TSGA10: variants seen among roughly 807,000 people sequenced by gnomAD.
TSGA10 encodes testis specific 10.
A neutral mutation model predicts 96.6 loss-of-function variants in TSGA10; 43 were observed. That is an observed-to-expected ratio of 0.44 (90% CI 0.35 to 0.57). TSGA10 has a LOEUF of 0.57. TSGA10 is among the 20% of genes least tolerant of loss of function. The pLI, the probability that TSGA10 is intolerant of heterozygous loss-of-function variation, is 0.01. For synonymous variants in TSGA10, 229 were observed against 269.9 expected (o/e 0.85, Z 1.48); for missense variants, 703 against 834.4 (o/e 0.84, Z 1.94).
intron 1 of TSGA10, among the ~76,000 whole-genome samples, chr2:99,140,850 G>A (rs2964971): frequency 6.6e-6 from 1 of 152,066 alleles, no homozygotes; most frequent in East Asian, 1.9e-4. Context: ...AGTGACCATA[G>A]GAACTGGGCT....
chr2:99,097,315 A>G (rs1168638525), intron 10 of TSGA10, among the ~76,000 whole-genome samples: 1 of 152,204 alleles, frequency 6.6e-6, no homozygotes, highest in Non-Finnish European at 1.5e-5. Context: ...AAAGGACCCC[A>G]GATCACTCAA....
chr2:99,101,125 C>T (rs1351578888), intron 10 of TSGA10, among the ~76,000 whole-genome samples: 4 of 148,740 alleles, frequency 2.7e-5, no homozygotes, highest in African/African-American at 7.4e-5. Flanking sequence ...ATCAGCCGGG[C>T]GTGGTGGCGG....
chr2:99,103,923 T>C lies in TSGA10; in HGVS notation c.611+44A>G, dbSNP rs767285008. The C allele has an allele frequency of 8.1e-6, 13 of 1,596,812 alleles. No homozygotes were observed. In the South Asian group the frequency reaches 1.3e-4, roughly 16 times the overall value. On this transcript the variant is annotated intron_variant, in intron 10 of 20. Coordinates refer to ENST00000393483, the MANE Select transcript of TSGA10 (RefSeq NM_025244.4). ...AAATACACTATAAAAAGCAGAGCTA[T>C]AGTTATAGTAAACTGTTGGTTGTTT...
At chr2:99,126,941 AT>A (rs1251986199) in intron 2 of TSGA10, 106 bp downstream of exon 2, 1 of 1,054,046 alleles carries the variant, frequency 9.5e-7, no homozygotes, top group Non-Finnish European at 1.2e-6. Context: ...GACCCATAAC[AT>A]TTAAATGAGC....
intron 10 of TSGA10, among the ~76,000 whole-genome samples, chr2:99,100,173 G>A (rs2090526065): frequency 6.6e-6 from 1 of 152,074 alleles, no homozygotes; most frequent in Admixed American, 6.5e-5. Flanking sequence ...GGTGGACTTT[G>A]ACCAGCTCAC....
At chr2:99,138,874 T>C (rs1388139045) in intron 1 of TSGA10, among the ~76,000 whole-genome samples, 1 of 152,132 alleles carries the variant, frequency 6.6e-6, no homozygotes, top group Admixed American at 6.5e-5. Flanking sequence ...TCCTAAGGCA[T>C]GAGTTAATGT....
intron 20 of TSGA10, among the ~76,000 whole-genome samples, chr2:99,009,107 CA>C (rs1293709143): frequency 1.3e-5 from 2 of 151,138 alleles, no homozygotes; most frequent in Admixed American, 1.3e-4. Flanking sequence ...TCTACATATT[CA>C]AAAATAAAAT....
rs867566305 is a variant in TSGA10, at chr2:99,001,917, A to G, written c.2073-3696T>C. Among the ~76,000 whole-genome samples the G allele has an allele frequency of 1.2e-4, 19 of 152,326 alleles. 1 individual carries two copies. The South Asian group carries it at 3.1e-3, about 25-fold the overall frequency. On this transcript the variant is annotated intron_variant, in intron 20 of 20. Coordinates refer to ENST00000393483, the MANE Select transcript of TSGA10 (RefSeq NM_025244.4). Reference sequence around the variant, plus strand: ...GAAGATCAAATGAATGAAATGAAGCAAGAAGAGAAGTTTAGAGAAAAAAGA... The same window carrying G: ...GAAGATCAAATGAATGAAATGAAGCGAGAAGAGAAGTTTAGAGAAAAAAGA...
intron 4 of TSGA10, among the ~76,000 whole-genome samples, chr2:99,115,011 C>T (rs1311518518): frequency 6.6e-6 from 1 of 152,180 alleles, no homozygotes; most frequent in Non-Finnish European, 1.5e-5. Flanking sequence ...TGGCTCACTG[C>T]AACCTCTGTC....
At chr2:99,051,280 AAACT>A (rs760870293) in intron 16 of TSGA10, among the ~76,000 whole-genome samples, 23 of 152,220 alleles carry the variant, frequency 1.5e-4, no homozygotes, top group Non-Finnish European at 3.1e-4. Context: ...AAATAGAATG[AAACT>A]AAAAAGATAA....
intron 17 of TSGA10, among the ~76,000 whole-genome samples, chr2:99,030,106 G>A (rs769309126): frequency 2.0e-5 from 3 of 152,158 alleles, no homozygotes; most frequent in African/African-American, 7.2e-5. Flanking sequence ...CAGCACTTTG[G>A]GAGGCTGAGG....
intron 1 of TSGA10, chr2:99,141,021 TCA>T: frequency 8.5e-7 from 1 of 1,177,738 alleles, no homozygotes; most frequent in Non-Finnish European, 1.1e-6. Flanking sequence ...AGCCGCCTTC[TCA>T]GAGACCTTCC....
chr2:99,097,713 A>C (rs1260191458), intron 10 of TSGA10, among the ~76,000 whole-genome samples: 2 of 152,240 alleles, frequency 1.3e-5, no homozygotes, highest in African/African-American at 4.8e-5. Flanking sequence ...ATTTAAACCC[A>C]AAGATATAAG....
rs551611807 is a variant in TSGA10, at chr2:99,022,531, C to G, written c.1615-2049G>C. On this transcript the variant is annotated intron_variant, in intron 17 of 20. Transcript: ENST00000393483. Reference sequence around the variant, plus strand: ...TATCGATGTTTTAGCAGGATCAAAACTTCATCACTTTTATTGCCTAATAAT... The same window carrying G: ...TATCGATGTTTTAGCAGGATCAAAAGTTCATCACTTTTATTGCCTAATAAT... Among the ~76,000 whole-genome samples, 340 of 152,184 alleles carry G rather than the reference C, an allele frequency of 2.2e-3. 1 individual carries two copies. Among genetic ancestry groups the G allele is most frequent in the African/African-American group, 7.2e-3 (300 of 41,540 alleles).
chr2:99,071,664 A>ATTTT, intron 14 of TSGA10, 42 bp downstream of exon 14: 1 of 1,533,922 alleles, frequency 6.5e-7, no homozygotes, highest in East Asian at 2.3e-5. Context: ...AGAAATTCAT[A>ATTTT]TTTTTTTTTC....
chr2:99,117,661 G>A lies in TSGA10; in HGVS notation c.-257C>T, dbSNP rs1320135393. ...CTTTACAAAGATGCTCATTGTGGCT[G>A]GTTAAATCATCTACTTGACTGCTTA... is the stretch of plus-strand genomic sequence containing the variant. On this transcript the variant is annotated 5_prime_UTR_variant, in exon 4 of 21. Coordinates refer to ENST00000393483, the MANE Select transcript of TSGA10 (RefSeq NM_025244.4). 2.0e-6 allele frequency: 2 copies of A among 985,518 alleles called. No individual in the cohort carries two copies. The highest frequency in any genetic ancestry group is 2.4e-6 in the Non-Finnish European group (2 of 829,822). 61.0% of individuals were successfully genotyped at this position (985,518 alleles called of 1,614,324 possible).
intron 17 of TSGA10, among the ~76,000 whole-genome samples, chr2:99,027,502 C>T (rs2080722032): frequency 1.3e-5 from 2 of 152,050 alleles, no homozygotes; most frequent in African/African-American, 4.8e-5. Flanking sequence ...TAATAATCTA[C>T]TGTATAATTC....
intron 16 of TSGA10, among the ~76,000 whole-genome samples, chr2:99,064,164 A>G (rs1414927417): frequency 2.6e-5 from 4 of 152,296 alleles, no homozygotes; most frequent in African/African-American, 9.6e-5. Flanking sequence ...TCCAGGCATA[A>G]ATATAGGGAA....
At chr2:99,150,725 A>C (rs988562746) in intron 1 of TSGA10, 5 of 1,613,958 alleles carry the variant, frequency 3.1e-6, no homozygotes, top group Non-Finnish European at 4.2e-6. Context: ...AATCAAGAAA[A>C]CTTTACAAGG....
Sources: allele counts gnomAD v4.1 joint callset (sites outside exome capture counted in the v4.1 genomes callset), GRCh38; gene constraint gnomAD v4.1.1; transcripts MANE v1.5; gene names NCBI Gene and HGNC (gene_info 2026-07-23, HGNC 2026-07-21).